ABCG2: variants seen among roughly 807,000 people sequenced by gnomAD.
ABCG2 encodes the protein ATP binding cassette subfamily G member 2 (JR blood group), also known as broad substrate specificity ATP-binding cassette transporter ABCG2.
Under a neutral mutation model 73.5 loss-of-function variants are expected in ABCG2, and 80 were observed. That is an observed-to-expected ratio of 1.09 (90% CI 0.91 to 1.31). The LOEUF (loss-of-function observed/expected upper bound fraction) is 1.31, where lower values mean the gene tolerates loss of function less well. ABCG2 is among the 50% of genes most tolerant of loss of function. The pLI, the probability that ABCG2 is intolerant of heterozygous loss-of-function variation, is 0.00. For missense variants in ABCG2, 796 were observed against 786.2 expected (o/e 1.01, Z -0.15); for synonymous variants, 269 against 282.4 (o/e 0.95, Z 0.48).
intron 1 of ABCG2, among the ~76,000 whole-genome samples, chr4:88,146,922 GGAA>G (rs1270232598): frequency 6.3e-5 from 8 of 126,524 alleles, no homozygotes; most frequent in African/African-American, 2.1e-4. Flanking sequence ...AAGGAAGGAA[GGAA>G]GAAGGAAGGA....
At chr4:88,118,048 T>C in intron 7 of ABCG2, 61 bp downstream of exon 7, 1 of 1,542,068 alleles carries the variant, frequency 6.5e-7, no homozygotes, top group Non-Finnish European at 8.8e-7. Context: ...GCAGACCCCC[T>C]TTGCTCTCCT....
At chr4:88,118,034 T>C (rs1428167740) in intron 7 of ABCG2, 75 bp downstream of exon 7, 6 of 1,459,102 alleles carry the variant, frequency 4.1e-6, no homozygotes, top group Non-Finnish European at 4.6e-6. Flanking sequence ...CAAACAGCAC[T>C]CCTGCAGACC....
At chr4:88,204,182 G>C (rs1281101965) in intron 1 of ABCG2, among the ~76,000 whole-genome samples, 1 of 152,160 alleles carries the variant, frequency 6.6e-6, no homozygotes, top group Non-Finnish European at 1.5e-5. Flanking sequence ...AGCTCTTTGG[G>C]AGGCTGAGGC....
At chr4:88,111,439 T>C (rs976925024) in intron 9 of ABCG2, among the ~76,000 whole-genome samples, 30 of 152,162 alleles carry the variant, frequency 2.0e-4, no homozygotes, top group African/African-American at 7.0e-4. Context: ...ATGGTTCAAC[T>C]AGGGATACAA....
At chr4:88,194,321 C>T (rs1054229397) in intron 1 of ABCG2, among the ~76,000 whole-genome samples, 6 of 151,304 alleles carry the variant, frequency 4.0e-5, no homozygotes, top group Admixed American at 1.3e-4. Flanking sequence ...GAGGCCGAGG[C>T]GGGCGGATCA....
At chr4:88,217,655 C>G (rs1309530792) in intron 1 of ABCG2, among the ~76,000 whole-genome samples, 2 of 138,242 alleles carry the variant, frequency 1.4e-5, no homozygotes, top group Non-Finnish European at 3.2e-5. Context: ...GAATGAGACC[C>G]TGCCTCAAAA....
At chr4:88,161,703 G>T (rs1349261886), upstream of ABCG2, among the ~76,000 whole-genome samples, 1 of 37,476 alleles carries the variant, frequency 2.7e-5, no homozygotes, top group African/African-American at 1.2e-4. Context: ...GGGATGGCTG[G>T]GTCAAATGGT....
upstream of ABCG2, chr4:88,159,239 TG>T (rs979189041): frequency 4.4e-6 from 2 of 455,738 alleles, no homozygotes; most frequent in Non-Finnish European, 8.8e-6. Context: ...TCGCCGTCAC[TG>T]GCCGGAGCGC....
At chr4:88,115,707 A>G (rs1277970668) in intron 7 of ABCG2, among the ~76,000 whole-genome samples, 3 of 151,862 alleles carry the variant, frequency 2.0e-5, no homozygotes, top group Non-Finnish European at 4.4e-5. Context: ...CTTGGTCCTT[A>G]CCTATCATAA....
intron 6 of ABCG2, among the ~76,000 whole-genome samples, 199 bp downstream of exon 6, chr4:88,121,436 C>T (rs1231255574): frequency 1.3e-5 from 2 of 152,152 alleles, no homozygotes; most frequent in Non-Finnish European, 2.9e-5. Flanking sequence ...CCCCCCTACA[C>T]CCTCATCACA....
At chr4:88,219,557 A>G (rs1729932605) in intron 1 of ABCG2, among the ~76,000 whole-genome samples, 1 of 150,134 alleles carries the variant, frequency 6.7e-6, no homozygotes, top group Non-Finnish European at 1.5e-5. Context: ...TATTCATAAT[A>G]TAAAAATGTA....
At chr4:88,134,899 A>G (rs996351320) in intron 2 of ABCG2, among the ~76,000 whole-genome samples, 1 of 152,206 alleles carries the variant, frequency 6.6e-6, no homozygotes, top group Non-Finnish European at 1.5e-5. Context: ...GAGAGTTGAG[A>G]ACAAAACAAA....
At chr4:88,092,479 CA>C (rs1475413812) in intron 15 of ABCG2, 98 bp from the exon 16 acceptor site, 1 of 1,311,290 alleles carries the variant, frequency 7.6e-7, no homozygotes, top group Non-Finnish European at 1.0e-6. Context: ...AAAATTGAAC[CA>C]AGCCTTTAAT....
intron 1 of ABCG2, among the ~76,000 whole-genome samples, chr4:88,194,740 G>A (rs1728871002): frequency 6.6e-6 from 1 of 152,034 alleles, no homozygotes; most frequent in African/African-American, 2.4e-5. Context: ...CAGAGCTGTA[G>A]GCACGAAGGC....
At chr4:88,181,237 T>G (rs1560741349) in intron 1 of ABCG2, among the ~76,000 whole-genome samples, 3 of 150,844 alleles carry the variant, frequency 2.0e-5, no homozygotes, top group African/African-American at 7.3e-5. Context: ...CCATCTCTAC[T>G]AAAAATACAA....
At chr4:88,117,699 T>A (rs1390681349) in intron 7 of ABCG2, among the ~76,000 whole-genome samples, 1 of 152,200 alleles carries the variant, frequency 6.6e-6, no homozygotes, top group Non-Finnish European at 1.5e-5. Context: ...CAGACCAACA[T>A]GTGCAAGGGG....
intron 8 of ABCG2, 30 bp from the exon 9 acceptor site, chr4:88,113,583 CA>C (rs769660619): frequency 5.0e-5 from 80 of 1,601,256 alleles, no homozygotes; most frequent in Non-Finnish European, 5.9e-5. Context: ...AAAGGAAACA[CA>C]AACAAGATAA....
intron 1 of ABCG2, among the ~76,000 whole-genome samples, chr4:88,214,164 T>C (rs1280412613): frequency 2.0e-5 from 3 of 151,606 alleles, no homozygotes; most frequent in Non-Finnish European, 4.4e-5. Context: ...ATTTCTGTAT[T>C]TTTTGTAGAG....
At chr4:88,209,079 G>A (rs1358115014) in intron 1 of ABCG2, among the ~76,000 whole-genome samples, 2 of 151,968 alleles carry the variant, frequency 1.3e-5, no homozygotes, top group Non-Finnish European at 2.9e-5. Flanking sequence ...TTGGGAGGCC[G>A]AGGCAGTCGG....
Sources: gnomAD v4.1 joint callset for allele counts (sites outside exome capture counted in the v4.1 genomes callset) on GRCh38, gnomAD v4.1.1 for gene constraint, MANE v1.5 for transcripts, NCBI Gene and HGNC (gene_info 2026-07-23, HGNC 2026-07-21) for gene names.